The following KANK1 variants were observed in gnomAD, a reference collection of about 807,000 sequenced individuals.
KANK1 encodes the protein KN motif and ankyrin repeat domain-containing protein 1.
Under a neutral mutation model 106.2 loss-of-function variants are expected in KANK1, and 109 were observed. The observed-to-expected ratio is 1.03, with a 90% CI of 0.88 to 1.20. KANK1 has a LOEUF of 1.20. Among genes scored for constraint, KANK1 ranks in the 50% most tolerant of loss-of-function variants. The probability of loss-of-function intolerance (pLI) is 0.00; values close to 1 mark genes in which losing one functional copy is unlikely to be tolerated. For missense variants in KANK1, 2,399 were observed against 1,710.7 expected, an observed-to-expected ratio of 1.40 and a Z score of -7.10; for synonymous variants, 873 against 652.2, an observed-to-expected ratio of 1.34 and a Z score of -5.16.
At chr9:723,113 C>T (rs900969749) in intron 3 of KANK1, among the ~76,000 whole-genome samples, 1 of 151,948 alleles carries the variant, frequency 6.6e-6, no homozygotes, top group African/African-American at 2.4e-5. Flanking sequence ...ACTCCCTACT[C>T]ACAGAGTTGG....
intron 1 of KANK1, among the ~76,000 whole-genome samples, chr9:529,588 A>G (rs1421968828): frequency 6.6e-6 from 1 of 152,148 alleles, no homozygotes; most frequent in Non-Finnish European, 1.5e-5. Context: ...ATTGTTATGC[A>G]TCTTTTTTTC....
At chr9:660,079 A>G (rs902111721) in intron 1 of KANK1, 2 of 427,302 alleles carry the variant, frequency 4.7e-6, no homozygotes, top group East Asian at 5.9e-5. Flanking sequence ...TTATATCCAT[A>G]TAAGAATTCA....
At chr9:715,663 G>A (rs1387179830) in intron 3 of KANK1, among the ~76,000 whole-genome samples, 1 of 152,180 alleles carries the variant, frequency 6.6e-6, no homozygotes, top group Non-Finnish European at 1.5e-5. Flanking sequence ...CAGCACTTGT[G>A]AACAAAACAA....
chr9:568,178 T>C (rs1455223113), intron 1 of KANK1, among the ~76,000 whole-genome samples: 1 of 152,204 alleles, frequency 6.6e-6, no homozygotes, highest in Non-Finnish European at 1.5e-5. Context: ...ACCTTATCTA[T>C]AATGCATGTT....
chr9:674,347 A>G (rs1815924269), intron 1 of KANK1: 2 of 151,552 alleles, frequency 1.3e-5, no homozygotes, highest in Non-Finnish European at 2.9e-5. Context: ...TAGCTGGAAA[A>G]GCCACGCAGC....
intron 1 of KANK1, among the ~76,000 whole-genome samples, chr9:639,791 C>A (rs1239130511): frequency 6.6e-6 from 1 of 152,108 alleles, no homozygotes; most frequent in Non-Finnish European, 1.5e-5. Flanking sequence ...CTGGGAATTC[C>A]AAGATCAAGA....
At chr9:632,093 A>G (rs893106069) in intron 1 of KANK1, among the ~76,000 whole-genome samples, 2 of 152,258 alleles carry the variant, frequency 1.3e-5, no homozygotes, top group African/African-American at 4.8e-5. Context: ...AATAAAGGCA[A>G]TGAAAAGGAA....
chr9:538,654 ATTTG>A (rs1367193851), intron 1 of KANK1, among the ~76,000 whole-genome samples: 2 of 152,140 alleles, frequency 1.3e-5, no homozygotes, highest in Non-Finnish European at 2.9e-5. Context: ...TTGCTTAGTT[ATTTG>A]TTTGAGAGTC....
intron 3 of KANK1, among the ~76,000 whole-genome samples, chr9:476,278 T>C (rs971296232): frequency 4.6e-5 from 7 of 152,050 alleles, no homozygotes; most frequent in South Asian, 2.1e-4. Flanking sequence ...CCCAGCACTT[T>C]GGGAGGCCGA....
intron 2 of KANK1, among the ~76,000 whole-genome samples, chr9:472,153 G>T (rs558426788): frequency 3.3e-5 from 5 of 152,240 alleles, no homozygotes; most frequent in African/African-American, 1.2e-4. Flanking sequence ...CTTATTCACA[G>T]CCTCTTATAG....
chr9:486,042 T>G (rs1261740900), intron 3 of KANK1, among the ~76,000 whole-genome samples: 4 of 152,176 alleles, frequency 2.6e-5, no homozygotes, highest in Non-Finnish European at 5.9e-5. Context: ...GTTTGACTTG[T>G]GTTTTCCATC....
At chr9:497,414 G>C (rs529373695) in intron 3 of KANK1, among the ~76,000 whole-genome samples, 2 of 148,206 alleles carry the variant, frequency 1.3e-5, no homozygotes, top group Middle Eastern at 6.8e-3. Flanking sequence ...TGGTGCTCAG[G>C]TATGCATGTG....
At chr9:561,576 A>T (rs7864343) in intron 1 of KANK1, among the ~76,000 whole-genome samples, 1 of 152,194 alleles carries the variant, frequency 6.6e-6, no homozygotes, top group Non-Finnish European at 1.5e-5. Flanking sequence ...CATTGGTACT[A>T]TTTACTTATG....
chr9:701,622 C>T (rs967704248), intron 2 of KANK1, among the ~76,000 whole-genome samples: 3 of 152,036 alleles, frequency 2.0e-5, no homozygotes, highest in African/African-American at 7.3e-5. Context: ...CAAGCAGCGA[C>T]AACAATAAAT....
intron 1 of KANK1, among the ~76,000 whole-genome samples, chr9:547,077 G>A (rs185190781): frequency 6.6e-6 from 1 of 152,190 alleles, no homozygotes; most frequent in South Asian, 2.1e-4. Context: ...GGGCTGATGC[G>A]GAGGAGGAGA....
intron 1 of KANK1, among the ~76,000 whole-genome samples, chr9:615,450 A>T (rs186345111): frequency 9.9e-5 from 15 of 152,176 alleles, no homozygotes; most frequent in African/African-American, 3.6e-4. Context: ...TGATGGTTTG[A>T]GTACCCACAT....
intron 1 of KANK1, among the ~76,000 whole-genome samples, chr9:544,587 C>T (rs1403903824): frequency 6.6e-6 from 1 of 152,136 alleles, no homozygotes; most frequent in East Asian, 1.9e-4. Flanking sequence ...ACATATTTCG[C>T]TGGGGAACCA....
intron 1 of KANK1, among the ~76,000 whole-genome samples, chr9:656,058 T>G (rs756490196): frequency 4.6e-5 from 7 of 152,180 alleles, no homozygotes; most frequent in Non-Finnish European, 7.3e-5. Flanking sequence ...TTGCAGGAGC[T>G]AGTCACTTTT....
intron 2 of KANK1, chr9:470,858 C>G (rs780031453): frequency 6.6e-6 from 1 of 152,410 alleles, no homozygotes. Context: ...CCCCCACTCC[C>G]CTTGACTGAA....
Sources: allele counts gnomAD v4.1 joint callset (sites outside exome capture counted in the v4.1 genomes callset), GRCh38; gene constraint gnomAD v4.1.1; transcripts MANE v1.5; gene names NCBI Gene and HGNC (gene_info 2026-07-23, HGNC 2026-07-21).